Variants in SPATA2 observed in about 807,000 individuals in gnomAD.
SPATA2 encodes the protein spermatogenesis-associated protein 2.
A neutral mutation model predicts 35.4 loss-of-function variants in SPATA2; 8 were observed. The ratio of observed to expected loss-of-function variants is 0.23; its 90% CI spans 0.13 to 0.41. The LOEUF (loss-of-function observed/expected upper bound fraction) is 0.41, where lower values mean the gene tolerates loss of function less well. SPATA2 is among the 10% of genes least tolerant of loss of function. SPATA2 has a pLI of 1.00. For synonymous variants in SPATA2, 293 were observed against 300.9 expected (o/e 0.97, Z 0.27); for missense variants, 650 against 698.7 (o/e 0.93, Z 0.79).
rs181282936 is a variant in SPATA2 at position 49,909,976 on chromosome 20, C to A, written c.-102-1384G>T. On this transcript the variant is annotated intron_variant, in intron 1 of 2. Coordinates refer to ENST00000289431, the MANE Select transcript of SPATA2 (RefSeq NM_006038.4). ...GCCTGCGGCCCCTTTATCACCAGAGCGCTTGACAGCCCCCTGTTGGGAGAG... is the reference window on the plus strand; with the variant it reads ...GCCTGCGGCCCCTTTATCACCAGAGAGCTTGACAGCCCCCTGTTGGGAGAG... Among the ~76,000 whole-genome samples the A allele has an allele frequency of 4.6e-5, 7 of 152,364 alleles. No individual in the cohort carries two copies. The East Asian group carries it at 1.3e-3, about 29-fold the overall frequency.
chr20:49,913,225 T>C (rs967783617), intron 1 of SPATA2, among the ~76,000 whole-genome samples: 1 of 152,234 alleles, frequency 6.6e-6, no homozygotes, highest in Non-Finnish European at 1.5e-5. Flanking sequence ...CACAACTCTA[T>C]AAGGAAAACA....
chr20:49,909,940 G>A (rs777644184), intron 1 of SPATA2, among the ~76,000 whole-genome samples: 15 of 152,170 alleles, frequency 9.9e-5, no homozygotes, highest in Non-Finnish European at 1.8e-4. Flanking sequence ...TGCTGTTACC[G>A]GCCTTTGACA....
At chr20:49,912,009 C>A (rs1362375929) in intron 1 of SPATA2, among the ~76,000 whole-genome samples, 1 of 152,130 alleles carries the variant, frequency 6.6e-6, no homozygotes, top group Non-Finnish European at 1.5e-5. Flanking sequence ...ATGGGTGGGA[C>A]AGGTAGAGGA....
At chr20:49,911,130 G>A (rs2090180146) in intron 1 of SPATA2, among the ~76,000 whole-genome samples, 1 of 152,186 alleles carries the variant, frequency 6.6e-6, no homozygotes, top group Non-Finnish European at 1.5e-5. Flanking sequence ...TCAAACATCA[G>A]CCTCTAGAGG....
chr20:49,912,730 C>T (rs1328823397), intron 1 of SPATA2, among the ~76,000 whole-genome samples: 1 of 152,120 alleles, frequency 6.6e-6, no homozygotes. Context: ...AGTCCACACC[C>T]TTGTTTGTTG....
chr20:49,910,105 C>T (rs2090174651), intron 1 of SPATA2, among the ~76,000 whole-genome samples: 1 of 152,182 alleles, frequency 6.6e-6, no homozygotes, highest in Non-Finnish European at 1.5e-5. Flanking sequence ...CTTGTCACCA[C>T]AACGCTGGGA....
At chr20:49,911,356 G>T (rs1339943618) in intron 1 of SPATA2, among the ~76,000 whole-genome samples, 1 of 151,974 alleles carries the variant, frequency 6.6e-6, no homozygotes, top group East Asian at 1.9e-4. Context: ...GCCTGTGCTT[G>T]ATAAAGTAGG....
intron 2 of SPATA2, 90 bp downstream of exon 2, chr20:49,908,065 G>A (rs1568907544): frequency 1.6e-6 from 2 of 1,258,540 alleles, no homozygotes; most frequent in African/African-American, 1.5e-5. Context: ...CAGGATGGAT[G>A]GGATCAGACT....
At chr20:49,912,181 C>T (rs750363030) in intron 1 of SPATA2, among the ~76,000 whole-genome samples, 9 of 152,322 alleles carry the variant, frequency 5.9e-5, no homozygotes, top group East Asian at 1.9e-4. Context: ...AGGCCAGGCG[C>T]GGTGGCTCAC....
At chr20:49,914,508 C>A (rs2090198558) in intron 1 of SPATA2, among the ~76,000 whole-genome samples, 1 of 152,172 alleles carries the variant, frequency 6.6e-6, no homozygotes, top group South Asian at 2.1e-4. Flanking sequence ...ACCTCCCCAC[C>A]CACACCAATG....
chr20:49,908,753 G>C (rs2090164896), intron 1 of SPATA2, among the ~76,000 whole-genome samples, 161 bp from the exon 2 acceptor site: 1 of 152,240 alleles, frequency 6.6e-6, no homozygotes, highest in African/African-American at 2.4e-5. Context: ...ACAGAGGCCA[G>C]AGAGAGATGG....
At chr20:49,910,187 G>A (rs8125611) in intron 1 of SPATA2, among the ~76,000 whole-genome samples, 1,688 of 152,298 alleles carry the variant, frequency 0.011, 42 homozygotes, top group African/African-American at 0.038. Context: ...CGGACACGGG[G>A]TCCAAGGCCA....
chr20:49,906,521 G>A lies in SPATA2; in HGVS notation c.661C>T (p.Leu221=). ...LRRRAEGREH[L]TASMSRVALQ... Reference sequence around the variant, plus strand: ...GCCACTCGTGACATGGAGGCCGTCAGGTGCTCCCGGCCCTCTGCCCGCCGC... The same window carrying A: ...GCCACTCGTGACATGGAGGCCGTCAAGTGCTCCCGGCCCTCTGCCCGCCGC... The change falls in exon 3 of 3, where the codon CTG becomes TTG. Residue 221 remains leucine (L), a synonymous_variant. Coordinates refer to ENST00000289431, the MANE Select transcript of SPATA2 (RefSeq NM_006038.4). The surrounding 1 kb of genome is among the most constrained non-coding windows in gnomAD (Gnocchi z 8.2). The A allele has an allele frequency of 6.2e-7, 1 of 1,612,338 alleles. No homozygotes were observed. Among genetic ancestry groups the A allele is most frequent in the Non-Finnish European group, 8.5e-7 (1 of 1,179,846 alleles).
chr20:49,905,564 G>T lies in SPATA2; in HGVS notation c.*55C>A. On this transcript the variant is annotated 3_prime_UTR_variant, in exon 3 of 3. Transcript: ENST00000289431. ...CAATGCGTTAGTACTTCTTCACCGT[G>T]AAACCCGAAAGGTCGGTTGATGTAG... The T allele has an allele frequency of 1.3e-6, 2 of 1,586,070 alleles. No individual in the cohort carries two copies. Among genetic ancestry groups the T allele is most frequent in the African/African-American group, 1.3e-5 (1 of 74,316 alleles).
rs1189670073 is a variant in SPATA2 at position 49,906,801 on chromosome 20, C to T, written c.381G>A (p.Leu127=). 1.2e-6 allele frequency: 2 copies of T among 1,613,180 alleles called. No individual in the cohort carries two copies. The highest frequency in any genetic ancestry group is 1.7e-6 in the Non-Finnish European group (2 of 1,179,220). ...TCAGGATGGCTCGGATGTCCTCTTC[C>T]AGTAATGTCGACTTGACATAATAAA... ...PFVYYVKSTL[L]EEDIRAILSC... The change falls in exon 3 of 3, where the codon CTG becomes CTA. Residue 127 remains leucine, a synonymous_variant. Coordinates refer to ENST00000289431, the MANE Select transcript of SPATA2 (RefSeq NM_006038.4). This position sits in a 1 kb window ranked among gnomAD's most constrained non-coding sequence, Gnocchi z 8.2.
At position 49,908,560 on chromosome 20, in the gene SPATA2, T is replaced by C. The variant is rs897422082; in HGVS notation, c.-70A>G. 1.1e-4 allele frequency: 143 copies of C among 1,311,188 alleles called. No individual in the cohort carries two copies. Among genetic ancestry groups the C allele is most frequent in the Non-Finnish European group, 1.4e-4 (133 of 945,198 alleles). 81.2% of individuals were successfully genotyped at this position (1,311,188 alleles called of 1,614,324 possible). ...AGAGGCAGGGACATCACTAAAAGCA[T>C]GGACATGTTGCCGCCTGGACCAGCG... On this transcript the variant is annotated 5_prime_UTR_variant, in exon 2 of 3. An upstream start codon of the reference 5' UTR is lost. Coordinates refer to ENST00000289431, the MANE Select transcript of SPATA2 (RefSeq NM_006038.4).
At position 49,906,263 on chromosome 20, in the gene SPATA2, C is replaced by T. The variant is rs375710720; in HGVS notation, c.919G>A (p.Gly307Ser). The change falls in exon 3 of 3, where the codon GGC becomes AGC. Residue 307 changes from glycine (G) to serine (S), a missense_variant. Coordinates refer to ENST00000289431, the MANE Select transcript of SPATA2 (RefSeq NM_006038.4). The surrounding 1 kb of genome is among the most constrained non-coding windows in gnomAD (Gnocchi z 8.2). The part of the protein sequence containing the change: ...SLLTMASSPH[G>S]SPDVLPPASP... ...GCGGGTGGAAGCACATCCGGGCTGCCGTGGGGGGAGCTGGCCATGGTCAGC... is the reference window on the plus strand; with the variant it reads ...GCGGGTGGAAGCACATCCGGGCTGCTGTGGGGGGAGCTGGCCATGGTCAGC... The T allele has an allele frequency of 7.6e-6, 12 of 1,570,998 alleles. No homozygotes were observed. The highest frequency in any genetic ancestry group is 1.7e-4 in the Middle Eastern group (1 of 5,880).
At chr20:49,914,872 G>GA (rs996371220) in intron 1 of SPATA2, among the ~76,000 whole-genome samples, 4 of 152,180 alleles carry the variant, frequency 2.6e-5, no homozygotes, top group African/African-American at 9.7e-5. Context: ...GAAGTAACAG[G>GA]AACTATCACT....
In SPATA2 at chr20:49,915,495, G is replaced by C. The variant is rs1324187639; in HGVS notation, c.-218C>G. 6.6e-6 allele frequency: 1 copy of C among 152,282 alleles called. No homozygotes were observed. Among genetic ancestry groups the C allele is most frequent in the African/African-American group, 2.4e-5 (1 of 41,470 alleles). The allele number at this position is 152,282 out of a possible 1,614,324, so 9.4% of individuals were successfully genotyped here. A position where few individuals can be genotyped will look rare whatever the true frequency, so the allele number is the denominator to read the frequency against. On this transcript the variant is annotated 5_prime_UTR_variant, in exon 1 of 3. Transcript: ENST00000289431. Reference sequence around the variant, plus strand: ...CTCCGGCCGGCTGCAGGGGTACTGAGACCAGTACCCGGGGGCCAGCAGCGA... The same window carrying C: ...CTCCGGCCGGCTGCAGGGGTACTGACACCAGTACCCGGGGGCCAGCAGCGA...
Sources: allele counts gnomAD v4.1 joint callset (sites outside exome capture counted in the v4.1 genomes callset), GRCh38; gene constraint gnomAD v4.1.1; non-coding constraint Gnocchi (gnomAD v3.1); transcripts MANE v1.5; gene names NCBI Gene and HGNC (gene_info 2026-07-23, HGNC 2026-07-21).